The following CTBP1 variants were observed in gnomAD, a reference collection of about 807,000 sequenced individuals.
The protein encoded by CTBP1 is C-terminal-binding protein 1.
A neutral mutation model predicts 42.1 loss-of-function variants in CTBP1; 11 were observed. The ratio of observed to expected loss-of-function variants is 0.26; its 90% confidence interval spans 0.16 to 0.43. The LOEUF (loss-of-function observed/expected upper bound fraction) is 0.43. Among genes scored for constraint, CTBP1 ranks in the 20% least tolerant of loss-of-function variants. The pLI is 1.00. For synonymous variants in CTBP1, 324 were observed against 277.1 expected (o/e 1.17, Z -1.68); for missense variants, 399 against 624.3 (o/e 0.64, Z 3.85).
chr4:1,241,801 A>AC (rs1183063118), intron 1 of CTBP1: 20 of 1,176,524 alleles, frequency 1.7e-5, no homozygotes, highest in East Asian at 1.2e-4. Context: ...GGCTGCGGCC[A>AC]CCCCCACAGG....
chr4:1,228,444 C>T (rs1730615498), intron 3 of CTBP1, 101 bp from the exon 4 acceptor site: 3 of 1,436,432 alleles, frequency 2.1e-6, no homozygotes, highest in Non-Finnish European at 2.8e-6. Flanking sequence ...GCCTGTGGCC[C>T]TCAGGCTTGT....
chr4:1,233,749 A>G lies in CTBP1; in HGVS notation c.162+4434T>C, dbSNP rs1016725222. ...TTCTTCCCGCTCCTCCTGTGACCGC[A>G]CTGACGGTATCACGTTCTCTCCCTC... On this transcript the variant is annotated intron_variant, in intron 3 of 9. Coordinates refer to ENST00000382952, the MANE Select transcript of CTBP1 (RefSeq NM_001012614.2). The surrounding 1 kb of genome is among the most constrained non-coding windows in gnomAD (Gnocchi z 4.6). 6.6e-6 allele frequency among the ~76,000 whole-genome samples: 1 copy of G among 152,098 alleles called. No individual in the cohort carries two copies. The highest frequency in any genetic ancestry group is 2.4e-5 in the African/African-American group (1 of 41,394).
chr4:1,244,355 G>GGT (rs1361180936), intron 1 of CTBP1: 4 of 642,824 alleles, frequency 6.2e-6, no homozygotes, highest in Non-Finnish European at 6.7e-6. Flanking sequence ...TCTGGGCACT[G>GGT]GGGGGGGGGT....
At chr4:1,221,884 G>A in intron 5 of CTBP1, 7 of 391,320 alleles carry the variant, frequency 1.8e-5, no homozygotes, top group Admixed American at 3.2e-5. Flanking sequence ...AGGGAAGGAG[G>A]GAGGAAAGAA....
chr4:1,234,534 C>T (rs777632979), intron 3 of CTBP1, among the ~76,000 whole-genome samples: 2 of 152,236 alleles, frequency 1.3e-5, no homozygotes, highest in African/African-American at 2.4e-5. Context: ...CATGCCAGGG[C>T]CCACGCCGGC....
rs557871487 is a variant in CTBP1, at chr4:1,213,759, G to A, written c.861-154C>T. 146 of 992,648 alleles carry A rather than the reference G, an allele frequency of 1.5e-4. No individual in the cohort carries two copies. The African/African-American group carries it at 2.3e-3, about 16-fold the overall frequency. The allele number at this position is 992,648 out of a possible 1,614,324, so 61.5% of individuals were successfully genotyped here. ...TGCTCGGCAGGCTGGCTGAGCTCAA[G>A]AGCACAGCCCCGGGACCATCAGACA... is the stretch of plus-strand genomic sequence containing the variant. On this transcript the variant is annotated intron_variant, in intron 7 of 9. Transcript: ENST00000382952.
chr4:1,246,662 G>A (rs900013), intron 1 of CTBP1, among the ~76,000 whole-genome samples: 122,873 of 152,120 alleles, frequency 0.81, 51,269 homozygotes, highest in East Asian at 0.97. Context: ...GGTACTGGCC[G>A]CAGGAAGTTG....
rs1419823955 is a variant in CTBP1, at chr4:1,238,685, A to AC, written c.8-349dup. On this transcript the variant is annotated intron_variant, in intron 2 of 9. Coordinates refer to ENST00000382952, the MANE Select transcript of CTBP1 (RefSeq NM_001012614.2). The surrounding 1 kb of genome is among the most constrained non-coding windows in gnomAD (Gnocchi z 5.9). ...CTCACACCCTCCAAGACCCTCCGAG[A>AC]CCCCCCAAGAAATCTCCAGACCCTC... Among the ~76,000 whole-genome samples, 3 of 145,996 alleles carry AC rather than the reference A, an allele frequency of 2.1e-5. No homozygotes were observed. The highest frequency in any genetic ancestry group is 7.7e-5 in the African/African-American group (3 of 39,050).
chr4:1,215,693 A>C, intron 6 of CTBP1: 1 of 444,160 alleles, frequency 2.3e-6, no homozygotes, highest in Admixed American at 4.0e-5. Context: ...GCCCCCAGGT[A>C]GCTGCATCTG....
intron 1 of CTBP1, chr4:1,243,333 C>T (rs781045881): frequency 4.7e-5 from 46 of 985,296 alleles, no homozygotes; most frequent in Non-Finnish European, 5.5e-5. Context: ...CGTGAGCTCC[C>T]GAGCTGAGGA....
intron 1 of CTBP1, among the ~76,000 whole-genome samples, chr4:1,246,081 C>T (rs1258437917): frequency 2.0e-5 from 3 of 152,134 alleles, no homozygotes; most frequent in South Asian, 2.1e-4. Flanking sequence ...AATGTGTGGC[C>T]GGAGGGGCTT....
At chr4:1,230,725 C>A (rs529492438) in intron 3 of CTBP1, among the ~76,000 whole-genome samples, 1 of 152,258 alleles carries the variant, frequency 6.6e-6, no homozygotes, top group Non-Finnish European at 1.5e-5. Flanking sequence ...ACCTCCCGCA[C>A]ATTCGGAGGA....
intron 4 of CTBP1, among the ~76,000 whole-genome samples, chr4:1,227,712 G>C (rs1172450315): frequency 3.9e-5 from 6 of 152,026 alleles, no homozygotes; most frequent in Admixed American, 3.9e-4. Flanking sequence ...ATGCAGATGT[G>C]CGTGTTCCGT....
chr4:1,241,152 C>T (rs571478000), intron 2 of CTBP1, among the ~76,000 whole-genome samples, 173 bp downstream of exon 2: 1 of 152,164 alleles, frequency 6.6e-6, no homozygotes, highest in Non-Finnish European at 1.5e-5. Context: ...AGCCCTCCCT[C>T]GAGGGGCACC....
intron 1 of CTBP1, chr4:1,244,976 G>A (rs2108804007): frequency 2.0e-6 from 2 of 985,448 alleles, no homozygotes; most frequent in Admixed American, 6.1e-5. Context: ...CCCTGCAATG[G>A]CAGAGAAGGC....
chr4:1,243,644 C>T (rs924746175), intron 1 of CTBP1: 13 of 985,350 alleles, frequency 1.3e-5, no homozygotes, highest in Non-Finnish European at 1.6e-5. Context: ...GGAGCCCTCA[C>T]CTAGGGCAAT....
intron 5 of CTBP1, among the ~76,000 whole-genome samples, chr4:1,222,381 G>A (rs1431068807): frequency 1.3e-5 from 2 of 152,128 alleles, no homozygotes; most frequent in Non-Finnish European, 2.9e-5. Flanking sequence ...GACCTGGCCT[G>A]GTTCATCACA....
chr4:1,223,611 T>C, intron 5 of CTBP1: 1 of 405,884 alleles, frequency 2.5e-6, no homozygotes, highest in Non-Finnish European at 4.9e-6. Flanking sequence ...ACCCGCGATC[T>C]GGGGAGACAG....
At chr4:1,229,781 C>G (rs561787572) in intron 3 of CTBP1, among the ~76,000 whole-genome samples, 1 of 152,314 alleles carries the variant, frequency 6.6e-6, no homozygotes, top group Non-Finnish European at 1.5e-5. Flanking sequence ...GCCCGGACCT[C>G]CAGCTTAGCC....
Sources: allele counts gnomAD v4.1 joint callset (sites outside exome capture counted in the v4.1 genomes callset), GRCh38; gene constraint gnomAD v4.1.1; non-coding constraint Gnocchi (gnomAD v3.1); transcripts MANE v1.5; gene names NCBI Gene and HGNC (gene_info 2026-07-23, HGNC 2026-07-21).